MELK: variants seen among roughly 807,000 people sequenced by gnomAD.
The protein encoded by MELK is maternal embryonic leucine zipper kinase.
Under a neutral mutation model 85.0 loss-of-function variants are expected in MELK, and 81 were observed. That is an observed-to-expected ratio of 0.95 (90% CI 0.80 to 1.15). The LOEUF (loss-of-function observed/expected upper bound fraction) is 1.15. MELK is among the 50% of genes most tolerant of loss of function. The pLI, the probability that MELK is intolerant of heterozygous loss-of-function variation, is 0.00. For synonymous variants in MELK, 252 were observed against 265.0 expected, an observed-to-expected ratio of 0.95 and a Z score of 0.48; for missense variants, 754 against 777.5, an observed-to-expected ratio of 0.97 and a Z score of 0.36.
chr9:36,652,840 GT>G (rs1468186104), intron 12 of MELK, among the ~76,000 whole-genome samples: 1 of 151,310 alleles, frequency 6.6e-6, no homozygotes, highest in African/African-American at 2.4e-5. Flanking sequence ...TATTTATTGT[GT>G]CTTTCCAGTC....
At chr9:36,639,291 A>G (rs1829518308) in intron 10 of MELK, among the ~76,000 whole-genome samples, 1 of 152,250 alleles carries the variant, frequency 6.6e-6, no homozygotes, top group South Asian at 2.1e-4. Context: ...AATTATATAC[A>G]GGAGAGGCAT....
intron 8 of MELK, among the ~76,000 whole-genome samples, chr9:36,624,359 C>A (rs935277049): frequency 6.6e-6 from 1 of 152,104 alleles, no homozygotes; most frequent in African/African-American, 2.4e-5. Context: ...GGATTTGAAC[C>A]TAGCCAATTT....
intron 14 of MELK, 77 bp from the exon 15 acceptor site, chr9:36,669,233 G>A (rs1258112870): frequency 2.9e-5 from 26 of 896,000 alleles, no homozygotes; most frequent in Non-Finnish European, 4.4e-5. Context: ...TGTGATACCT[G>A]CATTATTATT....
chr9:36,580,294 T>TG (rs1822092011), intron 1 of MELK, among the ~76,000 whole-genome samples: 1 of 150,588 alleles, frequency 6.6e-6, no homozygotes, highest in Non-Finnish European at 1.5e-5. Context: ...TCCCAAAGTG[T>TG]GGGGGTTACA....
At chr9:36,597,652 A>G (rs943692511) in intron 6 of MELK, among the ~76,000 whole-genome samples, 5 of 152,204 alleles carry the variant, frequency 3.3e-5, no homozygotes, top group Admixed American at 1.3e-4. Context: ...TGTTTAGATA[A>G]AAGTTGAGAA....
chr9:36,652,203 C>A (rs954990331), intron 12 of MELK, among the ~76,000 whole-genome samples: 20 of 151,222 alleles, frequency 1.3e-4, no homozygotes, highest in Non-Finnish European at 2.7e-4. Context: ...TGCATCACCA[C>A]GCCTGGCCAA....
intron 7 of MELK, among the ~76,000 whole-genome samples, chr9:36,600,217 AG>A (rs1824778757): frequency 6.6e-6 from 1 of 150,432 alleles, no homozygotes; most frequent in South Asian, 2.1e-4. Flanking sequence ...CAGCCTCCCA[AG>A]TAGCTGGGAT....
chr9:36,591,967 C>A (rs1424644553), intron 4 of MELK, among the ~76,000 whole-genome samples: 1 of 151,790 alleles, frequency 6.6e-6, no homozygotes, highest in Non-Finnish European at 1.5e-5. Flanking sequence ...AAAACAAAAT[C>A]CTCTCTTTCC....
At chr9:36,661,659 G>A (rs1250186249) in intron 13 of MELK, among the ~76,000 whole-genome samples, 3 of 152,018 alleles carry the variant, frequency 2.0e-5, no homozygotes, top group Non-Finnish European at 2.9e-5. Flanking sequence ...TAGCTAGGCC[G>A]GGCGCGGTGG....
Position 36,671,161 on chromosome 9 carries a change from C to T in MELK, c.1669C>T (p.Leu557=). 6.3e-7 allele frequency: 1 copy of T among 1,590,218 alleles called. No homozygotes were observed. Among genetic ancestry groups the T allele is most frequent in the Non-Finnish European group, 8.6e-7 (1 of 1,168,910 alleles). The change falls in exon 16 of 18, where the codon CTA becomes TTA. Residue 557 remains leucine, a synonymous_variant. Coordinates refer to ENST00000298048, the MANE Select transcript of MELK (RefSeq NM_014791.4). The part of the protein sequence containing the change: ...KGSARDGPRR[L]KLHYNVTTTR... ...TTCTGCCAGAGACGGGCCCAGAAGA[C>T]TAAAGGTAAGCAGGCTGGAATTCTT...
At chr9:36,631,417 C>T (rs1828604730) in intron 9 of MELK, among the ~76,000 whole-genome samples, 1 of 152,122 alleles carries the variant, frequency 6.6e-6, no homozygotes, top group African/African-American at 2.4e-5. Context: ...AGGCATGTGC[C>T]ACCATTCCTG....
chr9:36,608,148 C>T (rs556334147), intron 8 of MELK, among the ~76,000 whole-genome samples: 3 of 151,434 alleles, frequency 2.0e-5, no homozygotes, highest in East Asian at 3.9e-4. Context: ...GGCATGGTGG[C>T]GGGTGCCTGT....
chr9:36,576,838 T>C (rs1054914839), intron 1 of MELK, among the ~76,000 whole-genome samples: 1 of 152,196 alleles, frequency 6.6e-6, no homozygotes, highest in African/African-American at 2.4e-5. Context: ...AGCCGTTTTT[T>C]ACTTGCTGAT....
intron 4 of MELK, among the ~76,000 whole-genome samples, chr9:36,591,584 AAG>A (rs1049568767): frequency 6.6e-6 from 1 of 150,936 alleles, no homozygotes; most frequent in Non-Finnish European, 1.5e-5. Context: ...AAAAAAGAAA[AAG>A]AATTGTTAAA....
intron 8 of MELK, among the ~76,000 whole-genome samples, chr9:36,615,558 T>TG (rs1826623586): frequency 7.9e-6 from 1 of 125,948 alleles, no homozygotes; most frequent in African/African-American, 3.8e-5. Context: ...ACTTCCCAGA[T>TG]GGGGTGGCTG....
At chr9:36,587,634 T>G (rs1417167015) in intron 3 of MELK, among the ~76,000 whole-genome samples, 3 of 150,192 alleles carry the variant, frequency 2.0e-5, no homozygotes, top group African/African-American at 7.4e-5. Flanking sequence ...TTTTTTCTGA[T>G]ACGGAGTTTC....
rs1212338285 is a variant in MELK at position 36,621,272 on chromosome 9, A to AG, written c.667-9024dup. On this transcript the variant is annotated intron_variant, in intron 8 of 17. Transcript: ENST00000298048. ...GAATGACAGAGTGAGACTCTGTCTC[A>AG]GGGAAAAAAAAAAAAAAAAAAAAAA... Among the ~76,000 whole-genome samples the AG allele has an allele frequency of 3.3e-4, 31 of 94,846 alleles. 1 individual carries two copies. Among genetic ancestry groups the AG allele is most frequent in the South Asian group, 1.3e-3 (3 of 2,252 alleles). 62.2% of individuals were successfully genotyped at this position (94,846 alleles called of 152,430 possible).
intron 13 of MELK, among the ~76,000 whole-genome samples, chr9:36,664,218 G>C (rs1200856097): frequency 2.0e-5 from 3 of 151,914 alleles, no homozygotes; most frequent in African/African-American, 7.3e-5. Flanking sequence ...CTTTACTCAT[G>C]TTTTTGTTTC....
chr9:36,625,642 C>T (rs1827855384), intron 8 of MELK, among the ~76,000 whole-genome samples: 2 of 152,108 alleles, frequency 1.3e-5, no homozygotes, highest in South Asian at 4.2e-4. Flanking sequence ...AAACTTTGAG[C>T]CAGCTAGGTG....
Sources: allele counts gnomAD v4.1 joint callset (sites outside exome capture counted in the v4.1 genomes callset), GRCh38; gene constraint gnomAD v4.1.1; transcripts MANE v1.5; gene names NCBI Gene and HGNC (gene_info 2026-07-23, HGNC 2026-07-21).